Variants in DSCAM observed in about 807,000 individuals in gnomAD.
DSCAM encodes the protein cell adhesion molecule DSCAM.
DSCAM carries 47 observed loss-of-function variants against 217.7 expected under a neutral mutation model. The observed-to-expected ratio is 0.22, with a 90% CI of 0.17 to 0.28. The LOEUF (loss-of-function observed/expected upper bound fraction) is 0.28. DSCAM is among the 10% of genes least tolerant of loss of function. The pLI is 1.00. For synonymous variants in DSCAM, 1,056 were observed against 1,015.3 expected, an observed-to-expected ratio of 1.04 and a Z score of -0.76; for missense variants, 2,080 against 2,618.3, an observed-to-expected ratio of 0.79 and a Z score of 4.49.
intron 1 of DSCAM, among the ~76,000 whole-genome samples, chr21:40,787,480 G>A (rs1480225704): frequency 6.6e-6 from 1 of 152,158 alleles, no homozygotes; most frequent in Non-Finnish European, 1.5e-5. Context: ...CTCAAGAAAA[G>A]ATGCACGTCC....
chr21:40,170,782 G>A (rs1325943296), intron 15 of DSCAM, among the ~76,000 whole-genome samples: 2 of 152,126 alleles, frequency 1.3e-5, no homozygotes, highest in African/African-American at 2.4e-5. Context: ...CTTTAATTTA[G>A]TTACACTTAA....
intron 3 of DSCAM, among the ~76,000 whole-genome samples, chr21:40,562,855 A>C (rs1310321323): frequency 2.0e-5 from 3 of 152,212 alleles, no homozygotes; most frequent in Non-Finnish European, 4.4e-5. Context: ...CCCTAGAAAA[A>C]GGACCAGAGA....
chr21:40,275,575 G>A (rs549923153), intron 11 of DSCAM, among the ~76,000 whole-genome samples: 28 of 152,236 alleles, frequency 1.8e-4, no homozygotes, highest in Admixed American at 1.5e-3. Context: ...GGCCAGCAGC[G>A]CCAGCATTAA....
intron 1 of DSCAM, among the ~76,000 whole-genome samples, chr21:40,767,804 T>A (rs1479069573): frequency 6.6e-6 from 1 of 151,658 alleles, no homozygotes; most frequent in Non-Finnish European, 1.5e-5. Context: ...ATTCAGGATC[T>A]TTGAGAGGTA....
intron 1 of DSCAM, among the ~76,000 whole-genome samples, chr21:40,804,594 T>C (rs2091769773): frequency 6.6e-6 from 1 of 152,118 alleles, no homozygotes; most frequent in Non-Finnish European, 1.5e-5. Context: ...TCTCAGCCAC[T>C]TTGCAACTCA....
intron 32 of DSCAM, among the ~76,000 whole-genome samples, chr21:40,020,316 T>C (rs943550969): frequency 2.6e-5 from 4 of 152,220 alleles, no homozygotes; most frequent in Admixed American, 2.6e-4. Flanking sequence ...CTTTATAAAT[T>C]ACCCAGTCTC....
At chr21:40,597,034 T>C (rs1037549219) in intron 3 of DSCAM, among the ~76,000 whole-genome samples, 3 of 152,216 alleles carry the variant, frequency 2.0e-5, no homozygotes, top group Admixed American at 1.3e-4. Context: ...CATTTGTAAT[T>C]AAGATTATAG....
At chr21:40,702,496 T>C (rs555048382) in intron 2 of DSCAM, among the ~76,000 whole-genome samples, 81 of 152,276 alleles carry the variant, frequency 5.3e-4, no homozygotes, top group African/African-American at 1.8e-3. Flanking sequence ...TGGTATATCA[T>C]TTTTATCCTT....
intron 11 of DSCAM, among the ~76,000 whole-genome samples, chr21:40,227,420 C>T (rs898938232): frequency 6.6e-6 from 1 of 152,172 alleles, no homozygotes; most frequent in Non-Finnish European, 1.5e-5. Context: ...ATTTTTGTGG[C>T]CTGTCACAAG....
intron 3 of DSCAM, among the ~76,000 whole-genome samples, chr21:40,616,844 C>T (rs1053407358): frequency 1.3e-5 from 2 of 151,702 alleles, no homozygotes; most frequent in South Asian, 2.1e-4. Context: ...GGTGAAACAC[C>T]GACTCTACTA....
chr21:40,552,599 T>C (rs554281020), intron 3 of DSCAM, among the ~76,000 whole-genome samples: 2 of 152,340 alleles, frequency 1.3e-5, no homozygotes, highest in South Asian at 4.1e-4. Flanking sequence ...ACCTATTCTA[T>C]CTCAGCTATT....
chr21:40,131,350 T>C (rs1456416656), intron 19 of DSCAM, among the ~76,000 whole-genome samples: 8 of 152,240 alleles, frequency 5.3e-5, no homozygotes, highest in Non-Finnish European at 5.9e-5. Flanking sequence ...TTCTAAATTA[T>C]TGAATTTTTC....
At chr21:40,135,030 A>C (rs1181219288) in intron 18 of DSCAM, among the ~76,000 whole-genome samples, 1 of 152,232 alleles carries the variant, frequency 6.6e-6, no homozygotes, top group East Asian at 1.9e-4. Flanking sequence ...CATATGATAC[A>C]CGGCAATTTG....
intron 14 of DSCAM, among the ~76,000 whole-genome samples, chr21:40,184,761 G>A (rs1008212066): frequency 6.6e-6 from 1 of 152,154 alleles, no homozygotes; most frequent in Non-Finnish European, 1.5e-5. Flanking sequence ...CCAGGACACA[G>A]AGAACCAGAG....
Position 40,518,555 on chromosome 21 carries a change from T to C in DSCAM, c.509-149310A>G, listed in dbSNP as rs538740739. 1.1e-4 allele frequency among the ~76,000 whole-genome samples: 9 copies of C among 81,004 alleles called. No homozygotes were observed. The East Asian group carries it at 2.3e-3, about 20-fold the overall frequency. The allele number at this position is 81,004 out of a possible 152,430, so 53.1% of individuals were successfully genotyped here. The stretch of plus-strand genomic sequence containing the variant: ...ATATATATATATGTACACACACATA[T>C]ACACACACACATATATACATACACA... On this transcript the variant is annotated intron_variant, in intron 3 of 32. Transcript: ENST00000400454.
chr21:40,139,178 T>C (rs2090257461), intron 18 of DSCAM, among the ~76,000 whole-genome samples: 1 of 151,402 alleles, frequency 6.6e-6, no homozygotes, highest in South Asian at 2.1e-4. Flanking sequence ...TGTGGTGTGG[T>C]ATGTGGACCC....
intron 16 of DSCAM, among the ~76,000 whole-genome samples, chr21:40,147,898 T>C (rs1283630945): frequency 4.6e-5 from 7 of 152,226 alleles, no homozygotes; most frequent in South Asian, 2.1e-4. Flanking sequence ...ACAAATGCTA[T>C]GTTAGACACC....
At chr21:40,605,376 C>T (rs1316266663) in intron 3 of DSCAM, among the ~76,000 whole-genome samples, 3 of 152,164 alleles carry the variant, frequency 2.0e-5, no homozygotes, top group Admixed American at 6.5e-5. Context: ...TCATTCTGTT[C>T]AGCTTTTTTT....
intron 3 of DSCAM, among the ~76,000 whole-genome samples, chr21:40,599,635 C>G (rs977493952): frequency 2.0e-5 from 3 of 151,888 alleles, no homozygotes; most frequent in African/African-American, 7.3e-5. Flanking sequence ...GAGATAGAGA[C>G]ACAAAAAATC....
Sources: gnomAD v4.1 joint callset for allele counts (sites outside exome capture counted in the v4.1 genomes callset) on GRCh38, gnomAD v4.1.1 for gene constraint, MANE v1.5 for transcripts, NCBI Gene and HGNC (gene_info 2026-07-23, HGNC 2026-07-21) for gene names.